The following PRKN variants were observed in gnomAD, a reference collection of about 807,000 sequenced individuals.
The protein encoded by PRKN is E3 ubiquitin-protein ligase parkin.
Under a neutral mutation model 59.5 loss-of-function variants are expected in PRKN, and 56 were observed. The observed-to-expected ratio is 0.94, with a 90% CI of 0.76 to 1.18. The LOEUF is 1.18. PRKN is among the 50% of genes most tolerant of loss of function. PRKN has a pLI of 0.00. For missense variants in PRKN, 657 were observed against 596.4 expected, an observed-to-expected ratio of 1.10 and a Z score of -1.06; for synonymous variants, 250 against 222.1, an observed-to-expected ratio of 1.13 and a Z score of -1.12.
chr6:162,008,029 A>C (rs1241338954), intron 5 of PRKN, among the ~76,000 whole-genome samples: 1 of 152,210 alleles, frequency 6.6e-6, no homozygotes. Flanking sequence ...TACTAAAATA[A>C]TAAATGAAGT....
chr6:161,765,463 GA>G lies in PRKN; in HGVS notation c.871+20308del, dbSNP rs1425127065. Among the ~76,000 whole-genome samples, 4 of 152,130 alleles carry G rather than the reference GA, an allele frequency of 2.6e-5. 1 individual carries two copies. Among genetic ancestry groups the G allele is most frequent in the African/African-American group, 9.7e-5 (4 of 41,426 alleles). ...AATTACAGCCTAGACGTTTGCTTTGGAAAATAAAGTTTGAAGTTAGCTGTTG... is the reference window on the plus strand; with the variant it reads ...AATTACAGCCTAGACGTTTGCTTTGGAAATAAAGTTTGAAGTTAGCTGTTG... On this transcript the variant is annotated intron_variant, in intron 7 of 11. Transcript: ENST00000366898.
intron 6 of PRKN, among the ~76,000 whole-genome samples, chr6:161,899,741 C>T (rs9355370): frequency 0.48 from 72,825 of 151,984 alleles, 17,514 homozygotes; most frequent in Middle Eastern, 0.62. Flanking sequence ...CAGTCATCTA[C>T]AAATAGGTCT....
intron 7 of PRKN, among the ~76,000 whole-genome samples, chr6:161,773,878 A>C (rs1403304130): frequency 6.6e-6 from 1 of 152,186 alleles, no homozygotes; most frequent in Non-Finnish European, 1.5e-5. Flanking sequence ...AAATTCAAGG[A>C]AAGTAAGAAC....
At chr6:161,491,643 T>C (rs894595860) in intron 9 of PRKN, among the ~76,000 whole-genome samples, 4 of 152,042 alleles carry the variant, frequency 2.6e-5, no homozygotes, top group Admixed American at 6.5e-5. Context: ...TTCCTTTTTT[T>C]TTTTTGAGAT....
chr6:162,282,551 T>A (rs1255577748), intron 2 of PRKN, among the ~76,000 whole-genome samples: 1 of 152,210 alleles, frequency 6.6e-6, no homozygotes, highest in African/African-American at 2.4e-5. Context: ...CAAAAACACA[T>A]GTACATGGAT....
intron 7 of PRKN, among the ~76,000 whole-genome samples, chr6:161,665,519 A>C (rs1412156866): frequency 6.6e-6 from 1 of 152,166 alleles, no homozygotes; most frequent in African/African-American, 2.4e-5. Flanking sequence ...ATGATTTCTT[A>C]ATACTATCAT....
intron 7 of PRKN, among the ~76,000 whole-genome samples, chr6:161,757,886 T>TATATATAC (rs1416363617): frequency 8.6e-6 from 1 of 116,234 alleles, no homozygotes; most frequent in African/African-American, 3.6e-5. Flanking sequence ...TATATATATA[T>TATATATAC]ACACACACAC....
rs200159092 is a variant in PRKN, at chr6:161,541,826, GA to G, written c.1083+7027del. ...ACAGAGCGAGACTCCGTCTCAAAAA[GA>G]AAAAAAAAAAACAGTATAATTATTT... On this transcript the variant is annotated intron_variant, in intron 9 of 11. Coordinates refer to ENST00000366898, the MANE Select transcript of PRKN (RefSeq NM_004562.3). Among the ~76,000 whole-genome samples the G allele has an allele frequency of 3.6e-3, 467 of 129,180 alleles. 1 individual carries two copies. The highest frequency in any genetic ancestry group is 0.013 in the East Asian group (56 of 4,380). 84.7% of individuals were successfully genotyped at this position (129,180 alleles called of 152,430 possible). A position where few individuals can be genotyped will look rare whatever the true frequency, so the allele number is the denominator to read the frequency against.
intron 7 of PRKN, among the ~76,000 whole-genome samples, chr6:161,653,910 C>T (rs1260002455): frequency 3.3e-5 from 5 of 152,142 alleles, no homozygotes; most frequent in East Asian, 1.9e-4. Flanking sequence ...CACAGGAGCA[C>T]GCTGGGGTCA....
At chr6:161,650,451 C>T (rs183793678) in intron 7 of PRKN, among the ~76,000 whole-genome samples, 31 of 152,066 alleles carry the variant, frequency 2.0e-4, no homozygotes, top group Admixed American at 1.3e-3. Context: ...AGCACTACAA[C>T]GAACATATGT....
chr6:161,348,833 G>T lies in PRKN; in HGVS notation c.*1266C>A. The T allele has an allele frequency of 4.8e-6, 1 of 209,838 alleles. No individual in the cohort carries two copies. The highest frequency in any genetic ancestry group is 7.1e-5 in the East Asian group (1 of 14,026). 13.0% of individuals were successfully genotyped at this position (209,838 alleles called of 1,614,324 possible). On this transcript the variant is annotated 3_prime_UTR_variant, in exon 12 of 12. Transcript: ENST00000366898. This position sits in a 1 kb window ranked among gnomAD's most constrained non-coding sequence, Gnocchi z 4.9. Reference sequence around the variant, plus strand: ...TCTCTTCTGCGTAGTGTGGGTAAGAGCATGCGGTTTGCCGCATGCAGTGTT... The same window carrying T: ...TCTCTTCTGCGTAGTGTGGGTAAGATCATGCGGTTTGCCGCATGCAGTGTT...
At chr6:162,119,137 G>C (rs990828362) in intron 4 of PRKN, among the ~76,000 whole-genome samples, 1 of 152,144 alleles carries the variant, frequency 6.6e-6, no homozygotes, top group Non-Finnish European at 1.5e-5. Flanking sequence ...GATCCTGGTA[G>C]ACCCAAAGAA....
Position 162,651,119 on chromosome 6 carries a change from CTTTGTTTG to C in PRKN, c.7+76535_7+76542del, listed in dbSNP as rs149491590. Reference sequence around the variant, plus strand: ...TCAACTGAGAGCAACCACAATATGGCTTTGTTTGTTTGTTTGTTTGTTTGTTTAAACTG... The same window carrying C: ...TCAACTGAGAGCAACCACAATATGGCTTTGTTTGTTTGTTTGTTTAAACTG... On this transcript the variant is annotated intron_variant, in intron 1 of 11. Coordinates refer to ENST00000366898, the MANE Select transcript of PRKN (RefSeq NM_004562.3). 3.3e-3 allele frequency among the ~76,000 whole-genome samples: 504 copies of C among 152,120 alleles called. 1 individual carries two copies. Among genetic ancestry groups the C allele is most frequent in the Non-Finnish European group, 4.0e-3 (271 of 67,982 alleles).
intron 6 of PRKN, among the ~76,000 whole-genome samples, chr6:161,819,308 T>C (rs576263100): frequency 2.6e-5 from 4 of 152,022 alleles, no homozygotes; most frequent in Non-Finnish European, 4.4e-5. Context: ...CTGGACAACA[T>C]GGTGAAACCC....
intron 6 of PRKN, among the ~76,000 whole-genome samples, chr6:161,890,547 C>A (rs963288436): frequency 3.3e-5 from 5 of 152,148 alleles, no homozygotes; most frequent in African/African-American, 1.2e-4. Flanking sequence ...AGCCATGCGG[C>A]CGGATTTAAG....
intron 1 of PRKN, among the ~76,000 whole-genome samples, chr6:162,680,236 TG>T (rs1296651660): frequency 6.6e-6 from 1 of 151,032 alleles, no homozygotes; most frequent in Non-Finnish European, 1.5e-5. Context: ...ACTATGTACA[TG>T]TATGTGTGTA....
At chr6:161,966,257 T>C (rs1251119958) in intron 6 of PRKN, among the ~76,000 whole-genome samples, 2 of 151,282 alleles carry the variant, frequency 1.3e-5, no homozygotes, top group Non-Finnish European at 2.9e-5. Context: ...TAGATAGAAA[T>C]TTGGGTATGA....
chr6:162,295,761 C>T (rs1430782881), intron 2 of PRKN, among the ~76,000 whole-genome samples: 2 of 152,162 alleles, frequency 1.3e-5, no homozygotes, highest in Non-Finnish European at 2.9e-5. Context: ...GCCTTACACA[C>T]AAGCCTACGC....
chr6:162,073,573 C>G (rs867807762), intron 4 of PRKN, among the ~76,000 whole-genome samples: 4 of 152,204 alleles, frequency 2.6e-5, no homozygotes, highest in Middle Eastern at 3.4e-3. Flanking sequence ...CACCTCAGCC[C>G]CCTAAGTAGC....
Sources: gnomAD v4.1 joint callset for allele counts (sites outside exome capture counted in the v4.1 genomes callset) on GRCh38, gnomAD v4.1.1 for gene constraint, Gnocchi (gnomAD v3.1) non-coding constraint, MANE v1.5 for transcripts, NCBI Gene and HGNC (gene_info 2026-07-23, HGNC 2026-07-21) for gene names.